The following ADGRB2 variants were observed in gnomAD, a reference collection of about 807,000 sequenced individuals.
ADGRB2 encodes the protein adhesion G protein-coupled receptor B2, also known as brain-specific angiogenesis inhibitor 2.
ADGRB2 carries 47 observed loss-of-function variants against 178.7 expected under a neutral mutation model. The ratio of observed to expected loss-of-function variants is 0.26; its 90% CI spans 0.21 to 0.34. The LOEUF is 0.34. Among genes scored for constraint, ADGRB2 ranks in the 10% least tolerant of loss-of-function variants. The pLI, the probability that ADGRB2 is intolerant of heterozygous loss-of-function variation, is 1.00. For missense variants in ADGRB2, 1,584 were observed against 2,180.8 expected, an observed-to-expected ratio of 0.73 and a Z score of 5.45; for synonymous variants, 870 against 912.4, an observed-to-expected ratio of 0.95 and a Z score of 0.84.
At position 31,761,379 on chromosome 1, in the gene ADGRB2, T is replaced by C. The variant is rs948577712; in HGVS notation, c.-191+2505A>G. On this transcript the variant is annotated intron_variant, in intron 1 of 32. Coordinates refer to ENST00000373658, the MANE Select transcript of ADGRB2 (RefSeq NM_001364857.2). The surrounding 1 kb of genome is among the most constrained non-coding windows in gnomAD (Gnocchi z 4.2). The stretch of plus-strand genomic sequence containing the variant: ...ACCCAAGGCAAAGGGCCCTGGGAAA[T>C]TCCTGATGGTGTCTGACCTCCTGGG... Among the ~76,000 whole-genome samples the C allele has an allele frequency of 4.6e-5, 7 of 152,224 alleles. No homozygotes were observed. Among genetic ancestry groups the C allele is most frequent in the African/African-American group, 1.4e-4 (6 of 41,464 alleles).
Position 31,733,702 on chromosome 1 carries a change from C to A in ADGRB2, c.3453-559G>T, listed in dbSNP as rs1645419895. Among the ~76,000 whole-genome samples, 1 of 151,970 alleles carries A rather than the reference C, an allele frequency of 6.6e-6. No individual in the cohort carries two copies. The highest frequency in any genetic ancestry group is 6.5e-5 in the Admixed American group (1 of 15,268). ...CAGGACCAGTGAAGCAGAACTCCCC[C>A]CACACACAGAGAAGACGCCAGGCTC... On this transcript the variant is annotated intron_variant, in intron 25 of 32. Coordinates refer to ENST00000373658, the MANE Select transcript of ADGRB2 (RefSeq NM_001364857.2). This position sits in a 1 kb window ranked among gnomAD's most constrained non-coding sequence, Gnocchi z 4.3.
Position 31,755,974 on chromosome 1 carries a change from C to A in ADGRB2, c.838+25G>T. 1.3e-6 allele frequency: 2 copies of A among 1,580,206 alleles called. No individual in the cohort carries two copies. The highest frequency in any genetic ancestry group is 1.2e-5 in the South Asian group (1 of 86,228). The stretch of plus-strand genomic sequence containing the variant: ...ACTGTCAGCCCCTGCAGACCCCGCC[C>A]CACCCAGGCCCTGCTGAGACTCACC... On this transcript the variant is annotated intron_variant, in intron 4 of 32. Coordinates refer to ENST00000373658, the MANE Select transcript of ADGRB2 (RefSeq NM_001364857.2). The surrounding 1 kb of genome is among the most constrained non-coding windows in gnomAD (Gnocchi z 5.1).
At chr1:31,762,152 C>T in intron 1 of ADGRB2, among the ~76,000 whole-genome samples, 1 of 152,080 alleles carries the variant, frequency 6.6e-6, no homozygotes, top group South Asian at 2.1e-4. Context: ...ACACCCCAGA[C>T]TAGACATGTC....
rs906513158 is a variant in ADGRB2 at position 31,739,540 on chromosome 1, A to T, written c.2263T>A (p.Ser755Thr). ...RRGMKDWVRHSEDRLFLPKEV... is the reference protein window; with the variant it reads ...RRGMKDWVRHTEDRLFLPKEV... ...TTGGGCAGGAAGAGGCGGTCCTCTGAGTGCCGCACCCAGTCCTTCATGCCC... is the reference window on the plus strand; with the variant it reads ...TTGGGCAGGAAGAGGCGGTCCTCTGTGTGCCGCACCCAGTCCTTCATGCCC... Residue 755 changes from serine (S) to threonine (T), a missense_variant, in exon 15 of 33, where the codon TCA becomes ACA. Coordinates refer to ENST00000373658, the MANE Select transcript of ADGRB2 (RefSeq NM_001364857.2). 6.2e-7 allele frequency: 1 copy of T among 1,613,058 alleles called. No homozygotes were observed. The highest frequency in any genetic ancestry group is 8.5e-7 in the Non-Finnish European group (1 of 1,179,932).
chr1:31,730,721 G>C (rs1645237218), intron 29 of ADGRB2, 79 bp downstream of exon 29: 1 of 1,401,406 alleles, frequency 7.1e-7, no homozygotes, highest in Non-Finnish European at 9.3e-7. Context: ...CTCTGGGGAG[G>C]ATGAGGCTGT....
chr1:31,739,612 C>T lies in ADGRB2; in HGVS notation c.2191G>A (p.Val731Ile), dbSNP rs1428081976. The T allele has an allele frequency of 2.1e-5, 34 of 1,595,068 alleles. No individual in the cohort carries two copies. Among genetic ancestry groups the T allele is most frequent in the Non-Finnish European group, 2.9e-5 (34 of 1,169,164 alleles). Residue 731 changes from valine (V) to isoleucine (I), a missense_variant, in exon 15 of 33, where the codon GTC becomes ATC. By Grantham distance (29) the Val-to-Ile change is conservative. Coordinates refer to ENST00000373658, the MANE Select transcript of ADGRB2 (RefSeq NM_001364857.2). Reference sequence around the variant, plus strand: ...GTGATGTCACTGGACACAGCTGAGACGGGCTCTCGCTGAATGCTGATCACT... The same window carrying T: ...GTGATGTCACTGGACACAGCTGAGATGGGCTCTCGCTGAATGCTGATCACT... ...NLVISIQREPVSAVSSDITFP... is the reference protein window; with the variant it reads ...NLVISIQREPISAVSSDITFP...
In ADGRB2 at chr1:31,757,240, C is replaced by G; in HGVS notation, c.-19G>C. ...TCTCCATAACTCTTGCTCTCCATCC[C>G]CGTGTGTCGTGATCAGCTGTGAGGC... is the stretch of plus-strand genomic sequence containing the variant. On this transcript the variant is annotated 5_prime_UTR_variant, in exon 3 of 33. Coordinates refer to ENST00000373658, the MANE Select transcript of ADGRB2 (RefSeq NM_001364857.2). The G allele has an allele frequency of 6.2e-7, 1 of 1,614,166 alleles. No homozygotes were observed. The highest frequency in any genetic ancestry group is 1.1e-5 in the South Asian group (1 of 91,082).
At chr1:31,752,159 G>A (rs754747580) in intron 4 of ADGRB2, among the ~76,000 whole-genome samples, 7 of 152,128 alleles carry the variant, frequency 4.6e-5, no homozygotes, top group Non-Finnish European at 1.0e-4. Flanking sequence ...TGGGCAGACA[G>A]TGTGCCTAGC....
chr1:31,737,598 C>T, intron 19 of ADGRB2, 54 bp downstream of exon 19: 2 of 1,610,540 alleles, frequency 1.2e-6, no homozygotes, highest in Admixed American at 1.7e-5. Flanking sequence ...TGGCTGGCCA[C>T]CTTCTGCGCC....
chr1:31,764,151 TC>T lies in ADGRB2; in HGVS notation c.-459del. 11 of 623,258 alleles carry T rather than the reference TC, an allele frequency of 1.8e-5. No individual in the cohort carries two copies. Among genetic ancestry groups the T allele is most frequent in the Non-Finnish European group, 2.0e-5 (10 of 508,558 alleles). The allele number at this position is 623,258 out of a possible 1,614,324, so 38.6% of individuals were successfully genotyped here. ...GCCTCCTTGCCGCGCCGCCCCCCGC[TC>T]CCCCGCTCCCCCGCCCCGAGCACCG... On this transcript the variant is annotated 5_prime_UTR_variant, in exon 1 of 33. Coordinates refer to ENST00000373658, the MANE Select transcript of ADGRB2 (RefSeq NM_001364857.2). The surrounding 1 kb of genome is among the most constrained non-coding windows in gnomAD (Gnocchi z 7.3).
Position 31,735,196 on chromosome 1 carries a change from C to T in ADGRB2, c.3439G>A (p.Ala1147Thr), listed in dbSNP as rs1243602070. 7.2e-7 allele frequency: 1 copy of T among 1,387,620 alleles called. No homozygotes were observed. The highest frequency in any genetic ancestry group is 9.4e-7 in the Non-Finnish European group (1 of 1,062,198). 86.0% of individuals were successfully genotyped at this position (1,387,620 alleles called of 1,614,324 possible). A position where few individuals can be genotyped will look rare whatever the true frequency, so the allele number is the denominator to read the frequency against. The change falls in exon 25 of 33, where the codon GCC becomes ACC. Residue 1147 changes from alanine (A) to threonine (T), a missense_variant. Transcript: ENST00000373658. This position sits in a 1 kb window ranked among gnomAD's most constrained non-coding sequence, Gnocchi z 6.0. ...VPSPLLSSASARNAMASLWSS... is the reference protein window; with the variant it reads ...VPSPLLSSASTRNAMASLWSS... ...GGCACGACTAACATGGCGTTCCTGG[C>T]CGAGGCTGAGCTGAGCAGGGGGCTG...
At position 31,756,567 on chromosome 1, in the gene ADGRB2, G is replaced by A. The variant is rs374551363; in HGVS notation, c.270C>T (p.Cys90=). ...YLRFNRQEQV[C]AHFAPRLLPL... ...GCAGCAGGCGGGGGGCAAAGTGTGC[G>A]CACACCTGCTCCTGGCGGTTGAAGC... Residue 90 remains cysteine (C), a synonymous_variant, in exon 4 of 33, where the codon TGC becomes TGT. Coordinates refer to ENST00000373658, the MANE Select transcript of ADGRB2 (RefSeq NM_001364857.2). This position sits in a 1 kb window ranked among gnomAD's most constrained non-coding sequence, Gnocchi z 8.5. The A allele has an allele frequency of 3.8e-5, 61 of 1,612,272 alleles. No homozygotes were observed. Among genetic ancestry groups the A allele is most frequent in the East Asian group, 6.7e-5 (3 of 44,816 alleles).
intron 25 of ADGRB2, among the ~76,000 whole-genome samples, chr1:31,734,374 G>C (rs374087369): frequency 1.3e-5 from 2 of 152,358 alleles, no homozygotes; most frequent in Non-Finnish European, 2.9e-5. Flanking sequence ...TACAAACACA[G>C]CTTGACCGAC....
intron 29 of ADGRB2, among the ~76,000 whole-genome samples, chr1:31,729,869 T>A (rs928774878): frequency 6.6e-5 from 10 of 152,234 alleles, no homozygotes; most frequent in Non-Finnish European, 1.5e-4. Flanking sequence ...CGCCTTCCTG[T>A]TTTTGCCATC....
Position 31,756,616 on chromosome 1 carries a change from G to A in ADGRB2, c.221C>T (p.Pro74Leu). The change falls in exon 4 of 33, where the codon CCC becomes CTC. Residue 74 changes from proline (P) to leucine (L), a missense_variant. Physicochemically the swap from Pro to Leu is moderately conservative, Grantham distance 98 (BLOSUM62 -3). Transcript: ENST00000373658. The surrounding 1 kb of genome is among the most constrained non-coding windows in gnomAD (Gnocchi z 8.5). ...GCGCAGGTAGAGGGAGTACTTGGTG[G>A]GGTCAGGGTTCTCCAGGGTCCAGGA... The part of the protein sequence containing the change: ...GCSWTLENPD[P>L]TKYSLYLRFN... 1 of 1,606,438 alleles carries A rather than the reference G, an allele frequency of 6.2e-7. No homozygotes were observed. The highest frequency in any genetic ancestry group is 8.5e-7 in the Non-Finnish European group (1 of 1,175,712).
chr1:31,728,810 A>ACACG lies in ADGRB2; in HGVS notation c.4381-178_4381-177insCGTG, dbSNP rs1259517245. Among the ~76,000 whole-genome samples, 1 of 130,548 alleles carries ACACG rather than the reference A, an allele frequency of 7.7e-6. No individual in the cohort carries two copies. Among genetic ancestry groups the ACACG allele is most frequent in the Non-Finnish European group, 1.5e-5 (1 of 65,402 alleles). The allele number at this position is 130,548 out of a possible 152,430, so 85.6% of individuals were successfully genotyped here. ...GCTTTTCAGGCCTCACTGAACACAC[A>ACACG]CACACACACACACACACACACACAC... On this transcript the variant is annotated intron_variant, in intron 29 of 32. Coordinates refer to ENST00000373658, the MANE Select transcript of ADGRB2 (RefSeq NM_001364857.2). This position sits in a 1 kb window ranked among gnomAD's most constrained non-coding sequence, Gnocchi z 6.7.
rs756383043 is a variant in ADGRB2 at position 31,758,127 on chromosome 1, C to A, written c.-190-616G>T. 3.9e-5 allele frequency among the ~76,000 whole-genome samples: 6 copies of A among 152,344 alleles called. No individual in the cohort carries two copies. The East Asian group carries it at 1.2e-3, about 29-fold the overall frequency. ...ATCAGCCCCACTTCCAATCCTACCC[C>A]CCAAGTAATCCAAGCGGCCTCCCTC... is the stretch of plus-strand genomic sequence containing the variant. On this transcript the variant is annotated intron_variant, in intron 1 of 32. Coordinates refer to ENST00000373658, the MANE Select transcript of ADGRB2 (RefSeq NM_001364857.2). The surrounding 1 kb of genome is among the most constrained non-coding windows in gnomAD (Gnocchi z 4.2).
Position 31,759,195 on chromosome 1 carries a change from C to A in ADGRB2, c.-190-1684G>T. On this transcript the variant is annotated intron_variant, in intron 1 of 32. Coordinates refer to ENST00000373658, the MANE Select transcript of ADGRB2 (RefSeq NM_001364857.2). This position sits in a 1 kb window ranked among gnomAD's most constrained non-coding sequence, Gnocchi z 4.3. ...ATACATATGTACACGGACATGCACACAGGTGAAACCCACAGATTCATGCTG... is the reference window on the plus strand; with the variant it reads ...ATACATATGTACACGGACATGCACAAAGGTGAAACCCACAGATTCATGCTG... The A allele has an allele frequency of 1.4e-6, 1 of 737,490 alleles. No homozygotes were observed. The highest frequency in any genetic ancestry group is 2.5e-6 in the Non-Finnish European group (1 of 392,838). 45.7% of individuals were successfully genotyped at this position (737,490 alleles called of 1,614,324 possible).
Position 31,744,719 on chromosome 1 carries a change from T to G in ADGRB2, c.851A>C (p.Glu284Ala), listed in dbSNP as rs976612628. 6.2e-7 allele frequency: 1 copy of G among 1,614,186 alleles called. No homozygotes were observed. The highest frequency in any genetic ancestry group is 8.5e-7 in the Non-Finnish European group (1 of 1,180,014). The stretch of plus-strand genomic sequence containing the variant: ...CTGGGTTTTCACTTTCGGTTCCTCT[T>G]CCGGCTCCTCACCTGGAACACGGAG... ...TTEMRYGEEP[E>A]EEPKVKTQWP... is the part of the protein sequence containing the mutation. Residue 284 changes from glutamate to alanine, a missense_variant, in exon 5 of 33, where the codon GAA becomes GCA. Physicochemically the swap from Glu to Ala is moderately radical, Grantham distance 107. Transcript: ENST00000373658. The surrounding 1 kb of genome is among the most constrained non-coding windows in gnomAD (Gnocchi z 6.7).
Sources: allele counts gnomAD v4.1 joint callset (sites outside exome capture counted in the v4.1 genomes callset), GRCh38; gene constraint gnomAD v4.1.1; non-coding constraint Gnocchi (gnomAD v3.1); transcripts MANE v1.5; gene names NCBI Gene and HGNC (gene_info 2026-07-23, HGNC 2026-07-21).